Variants in BCAS3 observed in about 807,000 individuals in gnomAD.
BCAS3 encodes BCAS4/BCAS3 fusion.
Under a neutral mutation model 116.1 loss-of-function variants are expected in BCAS3, and 53 were observed. The observed-to-expected ratio is 0.46, with a 90% CI of 0.37 to 0.57. The LOEUF is 0.57. BCAS3 is among the 20% of genes least tolerant of loss of function. The pLI, the probability that BCAS3 is intolerant of heterozygous loss-of-function variation, is 0.00. For synonymous variants in BCAS3, 391 were observed against 408.2 expected, an observed-to-expected ratio of 0.96 and a Z score of 0.51; for missense variants, 917 against 1,165.4, an observed-to-expected ratio of 0.79 and a Z score of 3.10.
At chr17:61,197,667 T>C in intron 22 of BCAS3, among the ~76,000 whole-genome samples, 1 of 152,142 alleles carries the variant, frequency 6.6e-6, no homozygotes, top group Admixed American at 6.5e-5. Context: ...CTCAATCAGG[T>C]ATACATCTTC....
rs574820614 is a variant in BCAS3, at chr17:61,116,095, G to T, written c.2425+31531G>T. Among the ~76,000 whole-genome samples the T allele has an allele frequency of 3.4e-3, 461 of 135,314 alleles. 4 individuals are homozygous for T. The highest frequency in any genetic ancestry group is 0.012 in the African/African-American group (439 of 36,568). 88.8% of individuals were successfully genotyped at this position (135,314 alleles called of 152,430 possible). A position where few individuals can be genotyped will look rare whatever the true frequency, so the allele number is the denominator to read the frequency against. ...ATCACACTCTGGGGACTGTGGTAGG[G>T]TAGGGGGAGGGGGGAGGGATAGCAT... On this transcript the variant is annotated intron_variant, in intron 22 of 23. Coordinates refer to ENST00000407086, the MANE Select transcript of BCAS3 (RefSeq NM_017679.5).
At chr17:60,826,176 G>GATTA (rs534295873) in intron 7 of BCAS3, among the ~76,000 whole-genome samples, 253 of 151,524 alleles carry the variant, frequency 1.7e-3, no homozygotes, top group African/African-American at 3.8e-3. Flanking sequence ...ATTTTTGATT[G>GATTA]ATTAATTAAT....
rs1174447793 is a variant in BCAS3, at chr17:61,068,241, G to GT, written c.2030-6671dup. Among the ~76,000 whole-genome samples, 1 of 151,916 alleles carries GT rather than the reference G, an allele frequency of 6.6e-6. No individual in the cohort carries two copies. Among genetic ancestry groups the GT allele is most frequent in the Non-Finnish European group, 1.5e-5 (1 of 67,956 alleles). On this transcript the variant is annotated intron_variant, in intron 19 of 23. Coordinates refer to ENST00000407086, the MANE Select transcript of BCAS3 (RefSeq NM_017679.5). This position sits in a 1 kb window ranked among gnomAD's most constrained non-coding sequence, Gnocchi z 4.3. ...TTTTTCTTTAAATAAACTCTATTAA[G>GT]TTTTTTTTAGTACCTCCATTCGAAG...
intron 7 of BCAS3, among the ~76,000 whole-genome samples, chr17:60,835,761 G>C (rs962673681): frequency 1.3e-5 from 2 of 151,974 alleles, no homozygotes; most frequent in African/African-American, 2.4e-5. Context: ...ATAACAATGG[G>C]TGGTATTTAT....
At chr17:60,770,400 CTTTTTTTTTTTTTTTTTTTTTT>C (rs35691381) in intron 6 of BCAS3, among the ~76,000 whole-genome samples, 24,136 of 77,208 alleles carry the variant, frequency 0.31, 3,849 homozygotes, top group African/African-American at 0.53. Flanking sequence ...AGTGTTCCCT[CTTTTTTTTTTTTTTTTTTTTTT>C]TTTTTTTTTT....
At chr17:60,821,136 G>T (rs1483348802) in intron 7 of BCAS3, among the ~76,000 whole-genome samples, 6 of 151,982 alleles carry the variant, frequency 3.9e-5, no homozygotes, top group African/African-American at 1.5e-4. Flanking sequence ...TAGTAGAGAT[G>T]GGGTTTCACC....
chr17:61,229,309 TAAGGA>T lies in BCAS3; in HGVS notation c.2426-139014_2426-139010del, dbSNP rs762337307. ...GCTAACAGAGGTTGGTTCGTGAGGT[TAAGGA>T]AAGAAGCTATTTGCATAATATAAAA... On this transcript the variant is annotated intron_variant, in intron 22 of 23. Transcript: ENST00000407086. This position sits in a 1 kb window ranked among gnomAD's most constrained non-coding sequence, Gnocchi z 4.4. Among the ~76,000 whole-genome samples, 193 of 152,304 alleles carry T rather than the reference TAAGGA, an allele frequency of 1.3e-3. 2 individuals carry two copies. The highest frequency in any genetic ancestry group is 3.9e-3 in the African/African-American group (163 of 41,574).
chr17:61,204,168 A>G lies in BCAS3; in HGVS notation c.2425+119604A>G, dbSNP rs1220197958. Among the ~76,000 whole-genome samples the G allele has an allele frequency of 6.6e-6, 1 of 151,840 alleles. No homozygotes were observed. On this transcript the variant is annotated intron_variant, in intron 22 of 23. Coordinates refer to ENST00000407086, the MANE Select transcript of BCAS3 (RefSeq NM_017679.5). The surrounding 1 kb of genome is among the most constrained non-coding windows in gnomAD (Gnocchi z 4.2). ...GCCTTTGTTTACAACTTTTCCGGAAATTTTCACAGAGGGAGAGAAACTCTC... is the reference window on the plus strand; with the variant it reads ...GCCTTTGTTTACAACTTTTCCGGAAGTTTTCACAGAGGGAGAGAAACTCTC...
In BCAS3 at chr17:61,132,794, A is replaced by G. The variant is rs2143879980; in HGVS notation, c.2425+48230A>G. Among the ~76,000 whole-genome samples, 1 of 152,274 alleles carries G rather than the reference A, an allele frequency of 6.6e-6. No homozygotes were observed. On this transcript the variant is annotated intron_variant, in intron 22 of 23. Transcript: ENST00000407086. This position sits in a 1 kb window ranked among gnomAD's most constrained non-coding sequence, Gnocchi z 5.1. ...CCACTCCCCTATCCCCGTCAATGAG[A>G]AGAAGCTCCTTACCAGGTCTGTGTG...
rs934726021 is a variant in BCAS3 at position 61,380,652 on chromosome 17, C to T, written c.2594-11325C>T. ...GTCCCTCAAGAGGGTGCCCTCCTAC[C>T]CCCTCGTGCCCAGGCCCAGGAGCAC... On this transcript the variant is annotated intron_variant, in intron 23 of 23. Transcript: ENST00000407086. This position sits in a 1 kb window ranked among gnomAD's most constrained non-coding sequence, Gnocchi z 4.2. 8.1e-6 allele frequency: 11 copies of T among 1,354,196 alleles called. No individual in the cohort carries two copies. The highest frequency in any genetic ancestry group is 1.1e-5 in the Non-Finnish European group (11 of 970,710). The allele number at this position is 1,354,196 out of a possible 1,614,324, so 83.9% of individuals were successfully genotyped here. A position where few individuals can be genotyped will look rare whatever the true frequency, so the allele number is the denominator to read the frequency against.
intron 7 of BCAS3, among the ~76,000 whole-genome samples, chr17:60,813,564 C>CA (rs1207030552): frequency 6.6e-6 from 1 of 152,110 alleles, no homozygotes; most frequent in East Asian, 1.9e-4. Flanking sequence ...TAAATATTCA[C>CA]AAAAAATATT....
intron 9 of BCAS3, among the ~76,000 whole-genome samples, chr17:60,881,954 C>G (rs978680704): frequency 6.7e-6 from 1 of 149,602 alleles, no homozygotes. Flanking sequence ...GGGTATATAC[C>G]CAGTAATGGG....
intron 6 of BCAS3, among the ~76,000 whole-genome samples, chr17:60,804,401 A>C (rs925443114): frequency 1.3e-5 from 2 of 151,960 alleles, no homozygotes; most frequent in African/African-American, 2.4e-5. Context: ...GAATCGTTTG[A>C]ACCTTGGAGA....
chr17:61,173,880 C>CA (rs1568506111), intron 22 of BCAS3, among the ~76,000 whole-genome samples: 2 of 151,952 alleles, frequency 1.3e-5, no homozygotes, highest in Admixed American at 6.6e-5. Flanking sequence ...GACCCTGTCT[C>CA]AAACAAACAA....
At chr17:60,831,720 G>A (rs2050951511) in intron 7 of BCAS3, among the ~76,000 whole-genome samples, 1 of 151,500 alleles carries the variant, frequency 6.6e-6, no homozygotes, top group Non-Finnish European at 1.5e-5. Flanking sequence ...ACAGTATTTT[G>A]AGTGCCTCTT....
chr17:61,349,506 C>T lies in BCAS3; in HGVS notation c.2426-18821C>T, dbSNP rs1048031205. 6.6e-6 allele frequency among the ~76,000 whole-genome samples: 1 copy of T among 152,186 alleles called. No individual in the cohort carries two copies. The highest frequency in any genetic ancestry group is 1.5e-5 in the Non-Finnish European group (1 of 68,034). The stretch of plus-strand genomic sequence containing the variant: ...TTCTGCACTTAGATTATTGGTCCAG[C>T]TCTGCTTCTCCGAAAGCTTTTAGAC... On this transcript the variant is annotated intron_variant, in intron 22 of 23. Coordinates refer to ENST00000407086, the MANE Select transcript of BCAS3 (RefSeq NM_017679.5). The surrounding 1 kb of genome is among the most constrained non-coding windows in gnomAD (Gnocchi z 4.7).
At chr17:60,890,109 A>G (rs1462421550) in intron 10 of BCAS3, among the ~76,000 whole-genome samples, 1 of 152,244 alleles carries the variant, frequency 6.6e-6, no homozygotes, top group East Asian at 1.9e-4. Flanking sequence ...ATCAGGAGGC[A>G]GGAGTAACTT....
At chr17:60,736,892 C>CCCTT (rs573534704) in intron 5 of BCAS3, among the ~76,000 whole-genome samples, 2,539 of 130,498 alleles carry the variant, frequency 0.019, 101 homozygotes, top group African/African-American at 0.064. Flanking sequence ...CTCCCTCCCT[C>CCCTT]CCTCCCTTCC....
chr17:60,679,335 T>TA, intron 1 of BCAS3, 118 bp from the exon 2 acceptor site: 1 of 661,248 alleles, frequency 1.5e-6, no homozygotes, highest in Admixed American at 2.9e-5. Context: ...GAAAGTTTCC[T>TA]ACATTTGAGG....
Sources: gnomAD v4.1 joint callset for allele counts (sites outside exome capture counted in the v4.1 genomes callset) on GRCh38, gnomAD v4.1.1 for gene constraint, Gnocchi (gnomAD v3.1) non-coding constraint, MANE v1.5 for transcripts, NCBI Gene and HGNC (gene_info 2026-07-23, HGNC 2026-07-21) for gene names.